The following CPZ variants were observed in gnomAD, a reference collection of about 807,000 sequenced individuals.
CPZ encodes the protein VEZT/CPZ fusion.
In CPZ, 103 loss-of-function variants were observed where a neutral mutation model predicts 61.8. The observed-to-expected ratio is 1.67, with a 90% CI of 1.42 to 1.96. CPZ has a LOEUF of 1.96. Ranked by LOEUF, CPZ falls within the 30% of genes most tolerant of loss-of-function variation. The pLI is 0.00. For missense variants in CPZ, 1,461 were observed against 914.9 expected, an observed-to-expected ratio of 1.60 and a Z score of -7.70; for synonymous variants, 551 against 373.7, an observed-to-expected ratio of 1.47 and a Z score of -5.47.
Position 8,599,494 on chromosome 4 carries a change from C to G in CPZ, c.121+9C>G. The G allele has an allele frequency of 6.2e-7, 1 of 1,613,708 alleles. No individual in the cohort carries two copies. Among genetic ancestry groups the G allele is most frequent in the East Asian group, 2.2e-5 (1 of 44,862 alleles). ...ACCAGCTGCAGACAGCGGTACAGTA[C>G]CGGGACCTCCCTGGCTTCTGTTCTG... On this transcript the variant is annotated intron_variant, in intron 2 of 10. Coordinates refer to ENST00000360986, the MANE Select transcript of CPZ (RefSeq NM_001014447.3).
At chr4:8,600,472 G>A (rs182836090) in intron 2 of CPZ, among the ~76,000 whole-genome samples, 5 of 152,338 alleles carry the variant, frequency 3.3e-5, no homozygotes, top group East Asian at 1.9e-4. Context: ...GTCAGCTCCC[G>A]ACGGGGCTGG....
intron 1 of CPZ, among the ~76,000 whole-genome samples, chr4:8,595,236 C>G (rs373405511): frequency 6.6e-6 from 1 of 152,236 alleles, no homozygotes; most frequent in Non-Finnish European, 1.5e-5. Flanking sequence ...GTGAAGGGCT[C>G]AGTGGCCACG....
chr4:8,607,449 C>T (rs1434822018), intron 7 of CPZ, 24 bp downstream of exon 7: 3 of 1,611,020 alleles, frequency 1.9e-6, no homozygotes, highest in African/African-American at 2.7e-5. Context: ...CGGGTGTGTG[C>T]AGGGGAGGGA....
rs897400541 is a variant in CPZ at position 8,601,259 on chromosome 4, C to G, written c.258C>G (p.His86Gln). Reference sequence around the variant, plus strand: ...AGTACATCCTGCTGAGCGTTCTACACCAGCTCCTGGAAGGCCAGTGCAACC... The same window carrying G: ...AGTACATCCTGCTGAGCGTTCTACAGCAGCTCCTGGAAGGCCAGTGCAACC... ...SSEYILLSVL[H>Q]QLLEGQCNPD... The change falls in exon 3 of 11, where the codon CAC (histidine) becomes CAG (glutamine). Residue 86 changes from histidine (H) to glutamine (Q), a missense_variant. His to Gln is a conservative substitution (Grantham distance 24). Transcript: ENST00000360986. 1 of 1,613,478 alleles carries G rather than the reference C, an allele frequency of 6.2e-7. No homozygotes were observed. The highest frequency in any genetic ancestry group is 8.5e-7 in the Non-Finnish European group (1 of 1,179,936).
chr4:8,596,583 A>G (rs573571698), intron 1 of CPZ, among the ~76,000 whole-genome samples: 32 of 152,332 alleles, frequency 2.1e-4, no homozygotes, highest in African/African-American at 7.7e-4. Flanking sequence ...TGTGTTGAGC[A>G]TTCACTGGGC....
chr4:8,613,854 C>T (rs930076233), intron 8 of CPZ, among the ~76,000 whole-genome samples: 7 of 152,342 alleles, frequency 4.6e-5, no homozygotes, highest in South Asian at 2.1e-4. Context: ...AGACTCTGGT[C>T]AGGACAGCGT....
chr4:8,619,258 A>G lies in CPZ; in HGVS notation c.1604-4A>G. On this transcript the variant is annotated splice_polypyrimidine_tract_variant and splice_region_variant and intron_variant, in intron 10 of 10. Transcript: ENST00000360986. ...AGAATCATTTTTAATCTATTTGTCC[A>G]CAGCCCCAGATGGTGACTACTGGAG... The G allele has an allele frequency of 6.2e-7, 1 of 1,604,222 alleles. No homozygotes were observed. Among genetic ancestry groups the G allele is most frequent in the East Asian group, 2.3e-5 (1 of 44,226 alleles).
At chr4:8,616,157 C>A (rs183707695) in intron 9 of CPZ, among the ~76,000 whole-genome samples, 1 of 152,186 alleles carries the variant, frequency 6.6e-6, no homozygotes. Flanking sequence ...GCTCTTGAGA[C>A]GGACGTCTTA....
Position 8,610,067 on chromosome 4 carries a change from G to T in CPZ, c.1228-1960G>T, listed in dbSNP as rs180816495. Among the ~76,000 whole-genome samples, 14 of 152,306 alleles carry T rather than the reference G, an allele frequency of 9.2e-5. No homozygotes were observed. In the East Asian group the frequency reaches 2.7e-3, roughly 29 times the overall value. On this transcript the variant is annotated intron_variant, in intron 7 of 10. Transcript: ENST00000360986. ...GTGTCCTGCCTGCCAACCCCTTTCT[G>T]GCTTTGCCAACGCTTGCTGTGGGAA...
intron 1 of CPZ, 42 bp downstream of exon 1, chr4:8,592,963 C>T (rs573981590): frequency 2.8e-6 from 4 of 1,433,342 alleles, no homozygotes; most frequent in East Asian, 2.6e-5. Flanking sequence ...CTCCACCCTG[C>T]AACCTCTGGG....
At chr4:8,606,540 C>T (rs1402303173) in intron 5 of CPZ, among the ~76,000 whole-genome samples, 197 bp from the exon 6 acceptor site, 1 of 152,050 alleles carries the variant, frequency 6.6e-6, no homozygotes, top group Non-Finnish European at 1.5e-5. Context: ...CAGGGAAGGC[C>T]CCAAGGCTGT....
At chr4:8,597,195 C>T (rs1468102168) in intron 1 of CPZ, among the ~76,000 whole-genome samples, 2 of 152,194 alleles carry the variant, frequency 1.3e-5, no homozygotes, top group African/African-American at 4.8e-5. Flanking sequence ...GCCAGCTTTG[C>T]ACACCGGTGC....
In CPZ at chr4:8,618,345, G is replaced by A. The variant is rs529704711; in HGVS notation, c.1504-84G>A. On this transcript the variant is annotated intron_variant, in intron 9 of 10. Coordinates refer to ENST00000360986, the MANE Select transcript of CPZ (RefSeq NM_001014447.3). Reference sequence around the variant, plus strand: ...TTCCCCCTAGATACCAAGCTCTGAGGAGCATGTGGGGAACGAGCTGACGGC... The same window carrying A: ...TTCCCCCTAGATACCAAGCTCTGAGAAGCATGTGGGGAACGAGCTGACGGC... 5.3e-6 allele frequency: 7 copies of A among 1,319,406 alleles called. No homozygotes were observed. In the South Asian group the frequency reaches 8.4e-5, roughly 16 times the overall value. 81.7% of individuals were successfully genotyped at this position (1,319,406 alleles called of 1,614,324 possible).
At chr4:8,609,305 TCACTCATG>T (rs1470523305) in intron 7 of CPZ, among the ~76,000 whole-genome samples, 1 of 129,066 alleles carries the variant, frequency 7.7e-6, no homozygotes, top group Non-Finnish European at 1.8e-5. Context: ...ATTCATCCAT[TCACTCATG>T]CACTTATTCA....
At chr4:8,596,666 C>G (rs1042843303) in intron 1 of CPZ, among the ~76,000 whole-genome samples, 1 of 150,650 alleles carries the variant, frequency 6.6e-6, no homozygotes, top group Non-Finnish European at 1.5e-5. Context: ...ATCCTTATCC[C>G]AATCTACACA....
chr4:8,597,941 C>T (rs760895918), intron 1 of CPZ, among the ~76,000 whole-genome samples: 116 of 152,318 alleles, frequency 7.6e-4, no homozygotes, highest in Middle Eastern at 3.4e-3. Flanking sequence ...CACCTGGGCC[C>T]GGTGGTCTGG....
intron 7 of CPZ, 89 bp downstream of exon 7, chr4:8,607,514 A>G: frequency 6.9e-7 from 1 of 1,456,466 alleles, no homozygotes; most frequent in Non-Finnish European, 9.3e-7. Flanking sequence ...GAGCTCAGTG[A>G]AGGCAAAGCT....
At chr4:8,608,067 C>T (rs1292740569) in intron 7 of CPZ, among the ~76,000 whole-genome samples, 1 of 152,086 alleles carries the variant, frequency 6.6e-6, no homozygotes, top group Non-Finnish European at 1.5e-5. Context: ...GGAGTTGGTC[C>T]GTTCCCACAC....
intron 10 of CPZ, among the ~76,000 whole-genome samples, chr4:8,618,900 G>C (rs574712957): frequency 8.5e-5 from 13 of 152,302 alleles, no homozygotes; most frequent in African/African-American, 3.1e-4. Flanking sequence ...TGCGGGCTCT[G>C]GCTGTCCTTA....
Sources: gnomAD v4.1 joint callset for allele counts (sites outside exome capture counted in the v4.1 genomes callset) on GRCh38, gnomAD v4.1.1 for gene constraint, MANE v1.5 for transcripts, NCBI Gene and HGNC (gene_info 2026-07-23, HGNC 2026-07-21) for gene names.